Variants in SLC17A1 observed in about 807,000 individuals in gnomAD.
SLC17A1 encodes solute carrier family 17 member 1, also known as sodium-dependent phosphate transport protein 1.
SLC17A1 carries 51 observed loss-of-function variants against 53.5 expected under a neutral mutation model. That is an observed-to-expected ratio of 0.95 (90% CI 0.76 to 1.20). SLC17A1 has a LOEUF of 1.20. SLC17A1 is among the 50% of genes most tolerant of loss of function. The pLI is 0.00. For missense variants in SLC17A1, 538 were observed against 568.2 expected (o/e 0.95, Z 0.54); for synonymous variants, 179 against 198.8 (o/e 0.90, Z 0.84).
chr6:25,793,516 C>T (rs1011265410), intron 12 of SLC17A1, among the ~76,000 whole-genome samples: 3 of 152,070 alleles, frequency 2.0e-5, no homozygotes, highest in African/African-American at 7.2e-5. Flanking sequence ...ATTTCATGTT[C>T]TTTTTAGTAT....
At chr6:25,726,410 A>G in the SLC17A1 span, 3 of 1,614,116 alleles carry the variant, frequency 1.9e-6, no homozygotes, top group Non-Finnish European at 1.7e-6. Context: ...CGCTCTGCAT[A>G]GTTTCCCTTA....
chr6:25,791,073 C>T (rs746187751), intron 12 of SLC17A1, among the ~76,000 whole-genome samples: 14 of 152,118 alleles, frequency 9.2e-5, no homozygotes, highest in Non-Finnish European at 1.9e-4. Context: ...CAAACTAATA[C>T]TTGACTGAGG....
At chr6:25,749,796 C>T in the SLC17A1 span, among the ~76,000 whole-genome samples, 1 of 152,028 alleles carries the variant, frequency 6.6e-6, no homozygotes, top group Non-Finnish European at 1.5e-5. Flanking sequence ...TTACTTTGAT[C>T]AATTCAATTT....
the SLC17A1 span, among the ~76,000 whole-genome samples, chr6:25,748,975 C>G: frequency 6.6e-6 from 1 of 152,164 alleles, no homozygotes; most frequent in Non-Finnish European, 1.5e-5. Flanking sequence ...ATTCCATTCC[C>G]AGGGGCAGGC....
intron 12 of SLC17A1, 192 bp downstream of exon 12, chr6:25,798,591 A>G (rs1026632073): frequency 7.0e-6 from 3 of 426,192 alleles, no homozygotes; most frequent in Admixed American, 4.4e-5. Context: ...TCCCAAATTT[A>G]TATCTCCAGC....
rs139581731 is a variant in SLC17A1, at chr6:25,784,540, A to G, written c.*3-1322T>C. Among the ~76,000 whole-genome samples the G allele has an allele frequency of 2.0e-3, 305 of 152,306 alleles. 1 individual carries two copies. Among genetic ancestry groups the G allele is most frequent in the African/African-American group, 7.1e-3 (294 of 41,568 alleles). ...CATATTCTCTCCTGAACTCAGAGTG[A>G]GAACTCACTCATTATCCAAAGGACA... On this transcript the variant is annotated intron_variant, in intron 12 of 12. Transcript: ENST00000244527.
chr6:25,804,989 T>C (rs963831661), intron 10 of SLC17A1, among the ~76,000 whole-genome samples: 3 of 151,836 alleles, frequency 2.0e-5, no homozygotes. Context: ...AGACAGAAAG[T>C]CAACAAAGAA....
intron 8 of SLC17A1, among the ~76,000 whole-genome samples, 190 bp from the exon 9 acceptor site, chr6:25,811,960 G>A (rs778180436): frequency 4.6e-5 from 7 of 152,172 alleles, no homozygotes; most frequent in African/African-American, 9.7e-5. Flanking sequence ...TTTGAGGTCA[G>A]TAATATTTGT....
At chr6:25,765,883 A>T in the SLC17A1 span, among the ~76,000 whole-genome samples, 1 of 152,050 alleles carries the variant, frequency 6.6e-6, no homozygotes, top group African/African-American at 2.4e-5. Context: ...TACATACAAG[A>T]GCTGGTTCTT....
chr6:25,801,877 G>C (rs1042698773), intron 10 of SLC17A1, among the ~76,000 whole-genome samples: 6 of 152,074 alleles, frequency 3.9e-5, no homozygotes, highest in Admixed American at 2.0e-4. Flanking sequence ...TGCAGTCATT[G>C]GGTAGGATTA....
At chr6:25,726,765 T>C in the SLC17A1 span, 4 of 1,164,956 alleles carry the variant, frequency 3.4e-6, no homozygotes, top group Non-Finnish European at 3.7e-6. Flanking sequence ...GCATCTTTCA[T>C]CCTCCAGTTC....
chr6:25,775,251 G>A, the SLC17A1 span, among the ~76,000 whole-genome samples: 20 of 151,580 alleles, frequency 1.3e-4, no homozygotes, highest in Non-Finnish European at 2.5e-4. Context: ...AGAATCGCTT[G>A]AGCTGGTGAG....
intron 2 of SLC17A1, among the ~76,000 whole-genome samples, chr6:25,827,476 G>C (rs1764792096): frequency 6.6e-6 from 1 of 152,122 alleles, no homozygotes; most frequent in African/African-American, 2.4e-5. Context: ...CTAGATACCA[G>C]ACAGTATATA....
intron 12 of SLC17A1, among the ~76,000 whole-genome samples, chr6:25,788,501 G>A (rs999450244): frequency 3.5e-4 from 54 of 152,314 alleles, no homozygotes; most frequent in African/African-American, 1.2e-3. Flanking sequence ...TGTGCAGGGC[G>A]AGGATTGTGT....
intron 10 of SLC17A1, 103 bp from the exon 11 acceptor site, chr6:25,801,083 A>G: frequency 1.4e-6 from 1 of 701,408 alleles, no homozygotes; most frequent in Non-Finnish European, 2.5e-6. Flanking sequence ...CTCATTTTGC[A>G]AGTTCCTGCT....
At chr6:25,752,912 A>G in the SLC17A1 span, among the ~76,000 whole-genome samples, 5 of 152,036 alleles carry the variant, frequency 3.3e-5, no homozygotes, top group African/African-American at 1.2e-4. Context: ...AGATCACGCC[A>G]CTGCAGTCCA....
At chr6:25,814,770 G>A (rs1381603732) in intron 6 of SLC17A1, among the ~76,000 whole-genome samples, 1 of 152,112 alleles carries the variant, frequency 6.6e-6, no homozygotes, top group Non-Finnish European at 1.5e-5. Flanking sequence ...GATCACGTGA[G>A]GTCAGGAGTT....
chr6:25,726,826 A>G, the SLC17A1 span: 439,858 of 1,473,592 alleles, frequency 0.3, 73,543 homozygotes, highest in East Asian at 0.74. Context: ...GAGCTGTTTA[A>G]TACTGAAGAG....
the SLC17A1 span, chr6:25,726,370 G>A: frequency 3.0e-5 from 49 of 1,613,954 alleles, no homozygotes; most frequent in Middle Eastern, 3.3e-4. Flanking sequence ...TAACACTGCC[G>A]CCAAATACAC....
Sources: allele counts gnomAD v4.1 joint callset (sites outside exome capture counted in the v4.1 genomes callset), GRCh38; gene constraint gnomAD v4.1.1; transcripts MANE v1.5; gene names NCBI Gene and HGNC (gene_info 2026-07-23, HGNC 2026-07-21).